Variants in PLXDC2 observed in about 807,000 individuals in gnomAD.
PLXDC2 encodes the protein plexin domain containing 2.
PLXDC2 carries 40 observed loss-of-function variants against 68.9 expected under a neutral mutation model. The observed-to-expected ratio is 0.58, with a 90% CI of 0.45 to 0.76. The LOEUF (loss-of-function observed/expected upper bound fraction) is 0.76, where lower values mean the gene tolerates loss of function less well. PLXDC2 is among the 30% of genes least tolerant of loss of function. The pLI is 0.00. For missense variants in PLXDC2, 644 were observed against 661.9 expected (o/e 0.97, Z 0.30); for synonymous variants, 243 against 234.2 (o/e 1.04, Z -0.34).
In PLXDC2 at chr10:19,836,620, T is replaced by C. The variant is rs183342187; in HGVS notation, c.112+19429T>C. ...GCAGGAAAAATGAGTAAGTTCCATT[T>C]TATTTTATCAGTGAAGTCTGGGGCT... On this transcript the variant is annotated intron_variant, in intron 1 of 13. Coordinates refer to ENST00000377252, the MANE Select transcript of PLXDC2 (RefSeq NM_032812.9). Among the ~76,000 whole-genome samples, 214 of 152,320 alleles carry C rather than the reference T, an allele frequency of 1.4e-3. 7 individuals carry two copies. The highest frequency in any genetic ancestry group is 0.014 in the Admixed American group (212 of 15,292).
intron 1 of PLXDC2, among the ~76,000 whole-genome samples, chr10:19,888,814 T>A (rs72785806): frequency 0.046 from 6,938 of 152,054 alleles, 203 homozygotes; most frequent in Middle Eastern, 0.12. Context: ...TACTAAAAAA[T>A]GTCATTAAAA....
At chr10:20,135,636 T>C (rs913728175) in intron 4 of PLXDC2, among the ~76,000 whole-genome samples, 1 of 152,222 alleles carries the variant, frequency 6.6e-6, no homozygotes, top group Non-Finnish European at 1.5e-5. Flanking sequence ...TTTCAGCTCC[T>C]GTTCTTTCTG....
chr10:19,910,924 G>T (rs966081318), intron 1 of PLXDC2, among the ~76,000 whole-genome samples: 1 of 152,042 alleles, frequency 6.6e-6, no homozygotes, highest in Admixed American at 6.6e-5. Flanking sequence ...GCAGAGAATC[G>T]CTTGAACCTG....
chr10:20,209,118 A>G (rs1030439293), intron 9 of PLXDC2, among the ~76,000 whole-genome samples: 21 of 152,186 alleles, frequency 1.4e-4, no homozygotes, highest in Admixed American at 4.6e-4. Flanking sequence ...ACATCGTATC[A>G]GGAAACAGGG....
chr10:20,122,008 T>G (rs1000157908), intron 4 of PLXDC2, among the ~76,000 whole-genome samples: 5 of 151,442 alleles, frequency 3.3e-5, no homozygotes, highest in Admixed American at 6.6e-5. Context: ...TACTTGTGGG[T>G]TAAGGTGGGG....
intron 2 of PLXDC2, among the ~76,000 whole-genome samples, chr10:20,018,896 A>G (rs1168947619): frequency 6.6e-6 from 1 of 152,194 alleles, no homozygotes; most frequent in East Asian, 1.9e-4. Context: ...ACATATGTGG[A>G]TCGAGTATAT....
intron 13 of PLXDC2, among the ~76,000 whole-genome samples, chr10:20,273,638 CAA>C (rs1835968065): frequency 6.6e-6 from 1 of 152,152 alleles, no homozygotes; most frequent in Non-Finnish European, 1.5e-5. Context: ...AACAATGTGA[CAA>C]GAGATACTGA....
intron 12 of PLXDC2, among the ~76,000 whole-genome samples, chr10:20,219,398 T>C (rs1835182142): frequency 6.6e-6 from 1 of 152,224 alleles, no homozygotes; most frequent in African/African-American, 2.4e-5. Context: ...TAGTGGTGTG[T>C]AGTTATCTAC....
chr10:19,905,828 T>A (rs1228384044), intron 1 of PLXDC2, among the ~76,000 whole-genome samples: 1 of 152,186 alleles, frequency 6.6e-6, no homozygotes, highest in Non-Finnish European at 1.5e-5. Flanking sequence ...AATACCATGA[T>A]TTTAGTTTTT....
At chr10:20,034,782 A>G (rs955829061) in intron 2 of PLXDC2, among the ~76,000 whole-genome samples, 1 of 152,228 alleles carries the variant, frequency 6.6e-6, no homozygotes, top group African/African-American at 2.4e-5. Context: ...CTGTTAAGAT[A>G]CACAAATGCT....
At chr10:20,157,250 A>G (rs1834229511) in intron 6 of PLXDC2, among the ~76,000 whole-genome samples, 1 of 152,222 alleles carries the variant, frequency 6.6e-6, no homozygotes, top group Admixed American at 6.5e-5. Flanking sequence ...TGTTGTTTTT[A>G]ATATTAAGCT....
At chr10:20,125,941 T>C (rs1481438412) in intron 4 of PLXDC2, among the ~76,000 whole-genome samples, 1 of 148,548 alleles carries the variant, frequency 6.7e-6, no homozygotes, top group African/African-American at 2.4e-5. Flanking sequence ...AACATATATA[T>C]ATATATATAT....
intron 1 of PLXDC2, among the ~76,000 whole-genome samples, chr10:19,895,973 T>G (rs1838050224): frequency 6.6e-6 from 1 of 152,152 alleles, no homozygotes; most frequent in African/African-American, 2.4e-5. Flanking sequence ...CACTTTGGAA[T>G]CATGGTACCA....
chr10:20,184,873 TA>T (rs1834659040), intron 9 of PLXDC2, among the ~76,000 whole-genome samples: 1 of 151,760 alleles, frequency 6.6e-6, no homozygotes, highest in African/African-American at 2.4e-5. Context: ...ATGGAAACAA[TA>T]ATTCTCAGCA....
intron 1 of PLXDC2, among the ~76,000 whole-genome samples, chr10:19,929,794 G>A (rs900874594): frequency 1.3e-5 from 2 of 152,198 alleles, no homozygotes; most frequent in African/African-American, 4.8e-5. Flanking sequence ...AAGGACAAGA[G>A]AATAGTTTCT....
intron 1 of PLXDC2, among the ~76,000 whole-genome samples, chr10:19,839,922 T>C (rs1252223553): frequency 2.0e-5 from 3 of 152,196 alleles, no homozygotes; most frequent in Admixed American, 1.3e-4. Context: ...CTTCAAACAA[T>C]CTAAAATTTC....
intron 1 of PLXDC2, among the ~76,000 whole-genome samples, chr10:19,959,329 A>G (rs939253644): frequency 6.6e-6 from 1 of 152,216 alleles, no homozygotes; most frequent in Non-Finnish European, 1.5e-5. Flanking sequence ...GGAAGATGAA[A>G]TCAAAGAGCT....
intron 13 of PLXDC2, among the ~76,000 whole-genome samples, chr10:20,272,267 A>G (rs957431517): frequency 4.6e-5 from 7 of 152,206 alleles, no homozygotes; most frequent in Non-Finnish European, 8.8e-5. Context: ...AACAATGTGT[A>G]TTGAAGTACC....
chr10:20,214,828 G>A (rs1835114780), intron 10 of PLXDC2, among the ~76,000 whole-genome samples: 1 of 152,072 alleles, frequency 6.6e-6, no homozygotes. Flanking sequence ...GGAATACTAG[G>A]TCCTGTTCAT....
Sources: allele counts gnomAD v4.1 joint callset (sites outside exome capture counted in the v4.1 genomes callset), GRCh38; gene constraint gnomAD v4.1.1; transcripts MANE v1.5; gene names NCBI Gene and HGNC (gene_info 2026-07-23, HGNC 2026-07-21).